MREG: variants seen among roughly 807,000 people sequenced by gnomAD.
MREG encodes melanoregulin.
MREG carries 31 observed loss-of-function variants against 28.5 expected under a neutral mutation model. The observed-to-expected ratio is 1.09, with a 90% CI of 0.82 to 1.47. The LOEUF is 1.47. MREG is among the 40% of genes most tolerant of loss of function. The pLI is 0.00. For synonymous variants in MREG, 106 were observed against 95.2 expected (o/e 1.11, Z -0.66); for missense variants, 256 against 257.4 (o/e 0.99, Z 0.04).
chr2:215,945,794 A>T, intron 3 of MREG, 60 bp from the exon 4 acceptor site: 1 of 1,454,006 alleles, frequency 6.9e-7, no homozygotes, highest in East Asian at 2.3e-5. Context: ...GTGTTCCGCA[A>T]TACGGTCCCT....
At chr2:215,994,437 G>A (rs376909944) in intron 2 of MREG, among the ~76,000 whole-genome samples, 14 of 151,822 alleles carry the variant, frequency 9.2e-5, no homozygotes, top group Admixed American at 5.2e-4. Context: ...GGGGAGGGAT[G>A]GCATTCGGAG....
chr2:215,946,832 A>G (rs1218758273), intron 3 of MREG, among the ~76,000 whole-genome samples, 191 bp downstream of exon 3: 12 of 152,244 alleles, frequency 7.9e-5, no homozygotes, highest in Non-Finnish European at 1.2e-4. Flanking sequence ...GAAGACATGG[A>G]CTGGTGACAA....
At chr2:216,015,438 G>A (rs1341535305), upstream of MREG, among the ~76,000 whole-genome samples, 2 of 152,146 alleles carry the variant, frequency 1.3e-5, no homozygotes, top group Non-Finnish European at 2.9e-5. Context: ...GAGAGAAGGG[G>A]GCCATGGAAA....
chr2:215,988,683 C>T (rs1016267064), intron 2 of MREG, among the ~76,000 whole-genome samples: 14 of 152,158 alleles, frequency 9.2e-5, no homozygotes, highest in African/African-American at 3.1e-4. Context: ...TGAAGTTGAC[C>T]TGGGATGCTC....
intron 2 of MREG, among the ~76,000 whole-genome samples, chr2:215,977,472 G>A (rs758749038): frequency 3.4e-4 from 52 of 152,266 alleles, no homozygotes; most frequent in African/African-American, 1.1e-3. Flanking sequence ...ACAGATCAAC[G>A]AGACAGAAAA....
chr2:215,959,742 C>T (rs764048333), intron 2 of MREG, among the ~76,000 whole-genome samples: 41 of 152,174 alleles, frequency 2.7e-4, no homozygotes, highest in Non-Finnish European at 4.7e-4. Context: ...CTCTATCCTC[C>T]GGCACACCTT....
intron 2 of MREG, among the ~76,000 whole-genome samples, chr2:215,964,374 C>T (rs1005519887): frequency 3.9e-5 from 6 of 152,194 alleles, no homozygotes; most frequent in Admixed American, 2.6e-4. Context: ...GTCCCAGCTA[C>T]TCAGGAGGCC....
At chr2:215,993,890 G>A (rs991588410) in intron 2 of MREG, among the ~76,000 whole-genome samples, 7 of 152,104 alleles carry the variant, frequency 4.6e-5, no homozygotes, top group African/African-American at 1.2e-4. Flanking sequence ...TTAGAATGGC[G>A]ATCACTAAAA....
intron 1 of MREG, among the ~76,000 whole-genome samples, chr2:216,002,928 C>G (rs1694056136): frequency 6.6e-6 from 1 of 151,270 alleles, no homozygotes; most frequent in African/African-American, 2.4e-5. Context: ...CTCTCCTCCT[C>G]TCTCCTTTTT....
Position 216,013,369 on chromosome 2 carries a change from A to G in MREG, c.-42T>C. ...CACCGGCGCCGGAAGCCTGGGGCCG[A>G]GTCGCCGCGGCGAGCGATCGAGGCT... is the stretch of plus-strand genomic sequence containing the variant. On this transcript the variant is annotated 5_prime_UTR_variant, in exon 1 of 5. Coordinates refer to ENST00000263268, the MANE Select transcript of MREG (RefSeq NM_018000.3). 1 of 1,426,748 alleles carries G rather than the reference A, an allele frequency of 7.0e-7. No homozygotes were observed. 88.4% of individuals were successfully genotyped at this position (1,426,748 alleles called of 1,614,324 possible).
In MREG at chr2:215,981,590, C is replaced by T. The variant is rs138060733; in HGVS notation, c.255+14716G>A. Among the ~76,000 whole-genome samples the T allele has an allele frequency of 7.2e-3, 1,098 of 152,210 alleles. 15 individuals carry two copies. The highest frequency in any genetic ancestry group is 0.023 in the African/African-American group (975 of 41,536). On this transcript the variant is annotated intron_variant, in intron 2 of 4. Coordinates refer to ENST00000263268, the MANE Select transcript of MREG (RefSeq NM_018000.3). The stretch of plus-strand genomic sequence containing the variant: ...GGTGATTGTTGCCAAAAAATATGAA[C>T]GTACTCAATGCCACCAAACTGTACC...
At chr2:216,003,658 C>G (rs1694078285) in intron 1 of MREG, among the ~76,000 whole-genome samples, 1 of 152,202 alleles carries the variant, frequency 6.6e-6, no homozygotes, top group South Asian at 2.1e-4. Flanking sequence ...CCCGACCAAG[C>G]ACCTGATCTT....
At chr2:216,010,654 G>A (rs1046704121) in intron 1 of MREG, among the ~76,000 whole-genome samples, 2 of 151,818 alleles carry the variant, frequency 1.3e-5, no homozygotes, top group South Asian at 2.1e-4. Context: ...ACCGTGCCCG[G>A]CAGATTTCTC....
chr2:216,021,776 C>T (rs913840842), intron 1 of MREG, among the ~76,000 whole-genome samples: 6 of 152,198 alleles, frequency 3.9e-5, no homozygotes, highest in Non-Finnish European at 7.3e-5. Context: ...ACTGCGTAAA[C>T]GTTAGCTGCA....
rs1160260776 is a variant in MREG, at chr2:215,976,573, C to T, written c.255+19733G>A. Among the ~76,000 whole-genome samples the T allele has an allele frequency of 5.3e-5, 8 of 152,228 alleles. No individual in the cohort carries two copies. In the South Asian group the frequency reaches 1.0e-3, roughly 20 times the overall value. ...CCGAGTTATCATACCTTGAGGACAACGGTAGTTGGTGTGGTATAGGTAACG... is the reference window on the plus strand; with the variant it reads ...CCGAGTTATCATACCTTGAGGACAATGGTAGTTGGTGTGGTATAGGTAACG... On this transcript the variant is annotated intron_variant, in intron 2 of 4. Transcript: ENST00000263268.
At chr2:215,948,361 G>A (rs927688262) in intron 2 of MREG, among the ~76,000 whole-genome samples, 1 of 152,174 alleles carries the variant, frequency 6.6e-6, no homozygotes, top group Non-Finnish European at 1.5e-5. Context: ...TAGAAGTCAG[G>A]AAGTGGCAAG....
At chr2:215,972,365 A>G (rs1693121896) in intron 2 of MREG, among the ~76,000 whole-genome samples, 1 of 152,192 alleles carries the variant, frequency 6.6e-6, no homozygotes, top group Non-Finnish European at 1.5e-5. Context: ...CTGTGAGGCC[A>G]GGTGCAGTGG....
intron 2 of MREG, among the ~76,000 whole-genome samples, chr2:215,968,994 A>G (rs111766770): frequency 1.3e-5 from 2 of 152,336 alleles, no homozygotes; most frequent in African/African-American, 4.8e-5. Context: ...CCTGAGCTCA[A>G]GCAATCCTCC....
rs759501514 is a variant in MREG, at chr2:215,996,351, C to T, written c.210G>A (p.Leu70=). ...GATTACGAATGACTATCAAATTGTACAGGGTTCTGTCGTCGTCTGCCTCTG... is the reference window on the plus strand; with the variant it reads ...GATTACGAATGACTATCAAATTGTATAGGGTTCTGTCGTCGTCTGCCTCTG... ...SHTEADDDRT[L]YNLIVIRNQQ... is the part of the protein sequence containing the mutation. Residue 70 remains leucine, a synonymous_variant, in exon 2 of 5, where the codon CTG becomes CTA. Transcript: ENST00000263268. 3.1e-6 allele frequency: 5 copies of T among 1,613,896 alleles called. No homozygotes were observed. Among genetic ancestry groups the T allele is most frequent in the Non-Finnish European group, 4.2e-6 (5 of 1,179,850 alleles).
Sources: gnomAD v4.1 joint callset for allele counts (sites outside exome capture counted in the v4.1 genomes callset) on GRCh38, gnomAD v4.1.1 for gene constraint, MANE v1.5 for transcripts, NCBI Gene and HGNC (gene_info 2026-07-23, HGNC 2026-07-21) for gene names.